Variants in LIPE observed in about 807,000 individuals in gnomAD.
LIPE encodes lipase E, hormone sensitive type, also known as hormone-sensitive lipase.
Under a neutral mutation model 88.5 loss-of-function variants are expected in LIPE, and 66 were observed. That is an observed-to-expected ratio of 0.75 (90% CI 0.61 to 0.91). LIPE has a LOEUF of 0.91. LIPE is among the 40% of genes least tolerant of loss of function. The probability of loss-of-function intolerance (pLI) is 0.00; values close to 1 mark genes in which losing one functional copy is unlikely to be tolerated. For synonymous variants in LIPE, 570 were observed against 617.5 expected, an observed-to-expected ratio of 0.92 and a Z score of 1.14; for missense variants, 1,346 against 1,434.7, an observed-to-expected ratio of 0.94 and a Z score of 1.00.
At position 42,402,967 on chromosome 19, in the gene LIPE, A is replaced by G; in HGVS notation, c.2607T>C (p.Asp869=). 6.2e-7 allele frequency: 1 copy of G among 1,605,546 alleles called. No homozygotes were observed. The highest frequency in any genetic ancestry group is 8.5e-7 in the Non-Finnish European group (1 of 1,178,802). ...LAQPQGPLGT[D]SLKNLTLRDL... ...CCCTCAGGGTCAGGTTCTTGAGGGA[A>G]TCCGTGCCCAGTGGGCCCTGGGGCT... The change falls in exon 9 of 10, where the codon GAT becomes GAC. Residue 869 remains aspartate (D), a synonymous_variant. Transcript: ENST00000244289.
At chr19:42,424,799 A>G (rs1476727125) in intron 1 of LIPE, 2 of 357,424 alleles carry the variant, frequency 5.6e-6, no homozygotes, top group East Asian at 1.5e-4. Context: ...CCCCTTCTCC[A>G]TGGCAGGGGT....
Position 42,418,652 on chromosome 19 carries a change from G to GA in LIPE, c.883+7614dup, listed in dbSNP as rs371491190. 2.0e-3 allele frequency among the ~76,000 whole-genome samples: 290 copies of GA among 144,894 alleles called. 1 individual carries two copies. The highest frequency in any genetic ancestry group is 5.5e-3 in the African/African-American group (218 of 39,696). ...AACATAGTGAGATTCCGTCTCTACA[G>GA]AAAAAAAAAAATTAAAATATGTACA... On this transcript the variant is annotated intron_variant, in intron 1 of 9. Coordinates refer to ENST00000244289, the MANE Select transcript of LIPE (RefSeq NM_005357.4).
intron 1 of LIPE, among the ~76,000 whole-genome samples, chr19:42,417,416 T>G (rs1215102897): frequency 6.6e-6 from 1 of 151,744 alleles, no homozygotes; most frequent in African/African-American, 2.4e-5. Context: ...GGCACCACTA[T>G]GCCTGGTTCA....
chr19:42,410,877 T>C lies in LIPE; in HGVS notation c.884-35A>G, dbSNP rs546210943. 3.3e-6 allele frequency: 5 copies of C among 1,515,436 alleles called. No homozygotes were observed. In the African/African-American group the frequency reaches 5.5e-5, roughly 17 times the overall value. 93.9% of individuals were successfully genotyped at this position (1,515,436 alleles called of 1,614,324 possible). A position where few individuals can be genotyped will look rare whatever the true frequency, so the allele number is the denominator to read the frequency against. Reference sequence around the variant, plus strand: ...GGTGGGGAGGCCTGTTAGGTGGGGCTGGATCAAGCCTTGCTTAGCTGGGGC... The same window carrying C: ...GGTGGGGAGGCCTGTTAGGTGGGGCCGGATCAAGCCTTGCTTAGCTGGGGC... On this transcript the variant is annotated intron_variant, in intron 1 of 9. Coordinates refer to ENST00000244289, the MANE Select transcript of LIPE (RefSeq NM_005357.4). The surrounding 1 kb of genome is among the most constrained non-coding windows in gnomAD (Gnocchi z 6.1).
chr19:42,420,428 G>C (rs1183826084), intron 1 of LIPE, among the ~76,000 whole-genome samples: 2 of 152,116 alleles, frequency 1.3e-5, no homozygotes, highest in East Asian at 1.9e-4. Context: ...CTGTGTCTCT[G>C]TTTCTCTTGG....
At position 42,406,755 on chromosome 19, in the gene LIPE, G is replaced by C. The variant is rs2040197877; in HGVS notation, c.2138-367C>G. Among the ~76,000 whole-genome samples, 1 of 152,184 alleles carries C rather than the reference G, an allele frequency of 6.6e-6. No individual in the cohort carries two copies. The highest frequency in any genetic ancestry group is 1.5e-5 in the Non-Finnish European group (1 of 68,024). Reference sequence around the variant, plus strand: ...AAGGTCAGGGTTCAGGGTCAGTACAGAGGGGCTGGGCTGCAAGCTCTGTGC... The same window carrying C: ...AAGGTCAGGGTTCAGGGTCAGTACACAGGGGCTGGGCTGCAAGCTCTGTGC... On this transcript the variant is annotated intron_variant, in intron 6 of 9. Transcript: ENST00000244289. The surrounding 1 kb of genome is among the most constrained non-coding windows in gnomAD (Gnocchi z 5.7).
chr19:42,402,918 C>T lies in LIPE; in HGVS notation c.2656G>A (p.Glu886Lys), dbSNP rs747125300. 8 of 1,611,830 alleles carry T rather than the reference C, an allele frequency of 5.0e-6. No homozygotes were observed. The highest frequency in any genetic ancestry group is 3.3e-5 in the Admixed American group (2 of 59,970). The change falls in exon 9 of 10, where the codon GAG becomes AAG. Residue 886 changes from glutamate (E) to lysine (K), a missense_variant. Coordinates refer to ENST00000244289, the MANE Select transcript of LIPE (RefSeq NM_005357.4). Reference protein sequence around the residue: ...LRDLSLRGNSETSSDTPEMSL... With the variant: ...LRDLSLRGNSKTSSDTPEMSL... The stretch of plus-strand genomic sequence containing the variant: ...ATCTCGGGGGTGTCCGACGACGTCT[C>T]GGAGTTTCCCCTCAGGCTCAAGTCC...
intron 1 of LIPE, among the ~76,000 whole-genome samples, chr19:42,413,299 T>C (rs1439531640): frequency 1.3e-5 from 2 of 152,262 alleles, no homozygotes; most frequent in Non-Finnish European, 2.9e-5. Context: ...CTAGGTTTTA[T>C]GGAGCCATGA....
chr19:42,414,960 G>C lies in LIPE; in HGVS notation c.884-4118C>G, dbSNP rs561100419. Reference sequence around the variant, plus strand: ...GACATACAATATTGAGGCCGGGCACGGTGGCTAATGCCTGTAATCCCAGCA... The same window carrying C: ...GACATACAATATTGAGGCCGGGCACCGTGGCTAATGCCTGTAATCCCAGCA... On this transcript the variant is annotated intron_variant, in intron 1 of 9. Transcript: ENST00000244289. This position sits in a 1 kb window ranked among gnomAD's most constrained non-coding sequence, Gnocchi z 4.6. 6.6e-6 allele frequency among the ~76,000 whole-genome samples: 1 copy of C among 152,290 alleles called. No homozygotes were observed. The highest frequency in any genetic ancestry group is 1.9e-4 in the East Asian group (1 of 5,186).
At chr19:42,411,166 C>A (rs2040365696) in intron 1 of LIPE, 1 of 302,734 alleles carries the variant, frequency 3.3e-6, no homozygotes, top group African/African-American at 2.3e-5. Flanking sequence ...ACCCAGGAGC[C>A]CCTGCTATCA....
At position 42,408,356 on chromosome 19, in the gene LIPE, C is replaced by G. The variant is rs373970565; in HGVS notation, c.1420-34G>C. 4.5e-6 allele frequency: 7 copies of G among 1,562,824 alleles called. No individual in the cohort carries two copies. The highest frequency in any genetic ancestry group is 4.4e-6 in the Non-Finnish European group (5 of 1,134,020). ...AGACGCGGCTGCGTCACCCACCGCT[C>G]AAGAGAGGGATGGGGACAGGGCAGG... On this transcript the variant is annotated intron_variant, in intron 2 of 9. Transcript: ENST00000244289. This position sits in a 1 kb window ranked among gnomAD's most constrained non-coding sequence, Gnocchi z 4.3.
intron 1 of LIPE, among the ~76,000 whole-genome samples, chr19:42,416,392 C>T (rs1036255368): frequency 1.3e-5 from 2 of 152,104 alleles, no homozygotes; most frequent in Non-Finnish European, 2.9e-5. Context: ...GGAGGAGCCG[C>T]AGCAAGTTAT....
chr19:42,405,961 G>GTCTC (rs137919065), intron 7 of LIPE, 200 bp downstream of exon 7: 448 of 491,252 alleles, frequency 9.1e-4, no homozygotes, highest in East Asian at 4.0e-3. Flanking sequence ...GTGTCTGTCT[G>GTCTC]TCTCTCTCTC....
Position 42,426,997 on chromosome 19 carries a change from A to G in LIPE, c.153T>C (p.Pro51=), listed in dbSNP as rs1312738410. 2 of 1,613,768 alleles carry G rather than the reference A, an allele frequency of 1.2e-6. No individual in the cohort carries two copies. The highest frequency in any genetic ancestry group is 1.7e-5 in the Admixed American group (1 of 59,984). ...TLQGSNTQQK[P]ASNQRPLTQQ... ...GGGTGAGGGGTCTTTGGTTTGAAGC[A>G]GGCTTCTGTTGGGTATTGGATCCCT... Residue 51 remains proline (P), a synonymous_variant, in exon 1 of 10, where the codon CCT becomes CCC. Coordinates refer to ENST00000244289, the MANE Select transcript of LIPE (RefSeq NM_005357.4).
rs57282318 is a variant in LIPE, at chr19:42,405,976, TCA to T, written c.2365+183_2365+184del. 0.15 allele frequency: 58,614 copies of T among 396,632 alleles called. 464 individuals carry two copies. The highest frequency in any genetic ancestry group is 0.21 in the East Asian group (5,442 of 25,916). 24.6% of individuals were successfully genotyped at this position (396,632 alleles called of 1,614,324 possible). On this transcript the variant is annotated intron_variant, in intron 7 of 9. Transcript: ENST00000244289. Reference sequence around the variant, plus strand: ...GTGTCTGTCTGTCTCTCTCTCTCTCTCACACACACACACACACACACACACAC... The same window carrying T: ...GTGTCTGTCTGTCTCTCTCTCTCTCTCACACACACACACACACACACACAC...
intron 1 of LIPE, among the ~76,000 whole-genome samples, chr19:42,421,963 G>C (rs1437071849): frequency 1.3e-5 from 2 of 152,206 alleles, no homozygotes; most frequent in Non-Finnish European, 2.9e-5. Flanking sequence ...TGCCCAACTG[G>C]ATTCTGACTC....
At chr19:42,420,110 G>A (rs1050590821) in intron 1 of LIPE, among the ~76,000 whole-genome samples, 1 of 151,468 alleles carries the variant, frequency 6.6e-6, no homozygotes, top group Non-Finnish European at 1.5e-5. Flanking sequence ...ATGAGGGAGA[G>A]ACCATTATCA....
chr19:42,422,208 C>A lies in LIPE; in HGVS notation c.883+4059G>T, dbSNP rs144032842. The stretch of plus-strand genomic sequence containing the variant: ...CTGAGGGTTTGCTGCGTGCCTGTGC[C>A]AAACGCTCTACATTCATTCTAACCT... On this transcript the variant is annotated intron_variant, in intron 1 of 9. Transcript: ENST00000244289. 3.1e-3 allele frequency among the ~76,000 whole-genome samples: 468 copies of A among 152,300 alleles called. 4 individuals are homozygous for A. Among genetic ancestry groups the A allele is most frequent in the Non-Finnish European group, 2.6e-3 (176 of 68,012 alleles).
At chr19:42,419,889 G>A (rs1410210005) in intron 1 of LIPE, among the ~76,000 whole-genome samples, 4 of 152,086 alleles carry the variant, frequency 2.6e-5, no homozygotes, top group Non-Finnish European at 5.9e-5. Context: ...TTCTCTGTGC[G>A]TGTGTGTGTT....
Sources: allele counts gnomAD v4.1 joint callset (sites outside exome capture counted in the v4.1 genomes callset), GRCh38; gene constraint gnomAD v4.1.1; non-coding constraint Gnocchi (gnomAD v3.1); transcripts MANE v1.5; gene names NCBI Gene and HGNC (gene_info 2026-07-23, HGNC 2026-07-21).